The following PDIA4 variants were observed in gnomAD, a reference collection of about 807,000 sequenced individuals.
PDIA4 encodes the protein protein disulfide isomerase family A member 4.
PDIA4 carries 33 observed loss-of-function variants against 62.1 expected under a neutral mutation model. The ratio of observed to expected loss-of-function variants is 0.53; its 90% CI spans 0.40 to 0.71. PDIA4 has a LOEUF of 0.71. Ranked by LOEUF, PDIA4 falls within the 30% of genes least tolerant of loss-of-function variation. The probability of loss-of-function intolerance (pLI) is 0.00; values close to 1 mark genes in which losing one functional copy is unlikely to be tolerated. For synonymous variants in PDIA4, 341 were observed against 324.1 expected, an observed-to-expected ratio of 1.05 and a Z score of -0.56; for missense variants, 804 against 813.6, an observed-to-expected ratio of 0.99 and a Z score of 0.14.
intron 3 of PDIA4, among the ~76,000 whole-genome samples, chr7:149,017,045 T>C (rs954989854): frequency 2.0e-5 from 3 of 152,248 alleles, no homozygotes; most frequent in African/African-American, 7.2e-5. Context: ...GATCTCAGAT[T>C]ACATCCAACT....
chr7:149,017,795 C>T (rs1198190849), intron 3 of PDIA4, among the ~76,000 whole-genome samples: 4 of 152,086 alleles, frequency 2.6e-5, no homozygotes, highest in Non-Finnish European at 5.9e-5. Context: ...CTAATGTGAG[C>T]CAGGCAGGGA....
chr7:149,015,279 TCCAGAGGG>T (rs1486689152), intron 3 of PDIA4, among the ~76,000 whole-genome samples: 8 of 152,090 alleles, frequency 5.3e-5, no homozygotes, highest in Non-Finnish European at 1.2e-4. Flanking sequence ...TGCAGACTTC[TCCAGAGGG>T]CCTAAGACTT....
chr7:149,005,060 C>CCAGA, intron 9 of PDIA4, 81 bp downstream of exon 9: 2 of 1,111,226 alleles, frequency 1.8e-6, no homozygotes, highest in Non-Finnish European at 1.4e-6. Flanking sequence ...GGCCAGAGCA[C>CCAGA]CAGACGCCCC....
chr7:149,027,950 C>T (rs967017057), intron 1 of PDIA4: 8 of 503,382 alleles, frequency 1.6e-5, no homozygotes, highest in Non-Finnish European at 2.4e-5. Flanking sequence ...CTTCCCACTG[C>T]CTGGGCGCGT....
chr7:149,025,085 AAT>A (rs869119727), intron 1 of PDIA4, among the ~76,000 whole-genome samples: 4 of 22,360 alleles, frequency 1.8e-4, no homozygotes, highest in African/African-American at 2.4e-4. Context: ...AAAAAAAAAA[AAT>A]ATATATATAT....
At position 149,006,220 on chromosome 7, in the gene PDIA4, T is replaced by C. The variant is rs527313908; in HGVS notation, c.1132-167A>G. 6 of 598,714 alleles carry C rather than the reference T, an allele frequency of 1.0e-5. No individual in the cohort carries two copies. The South Asian group carries it at 1.0e-4, about 10-fold the overall frequency. The allele number at this position is 598,714 out of a possible 1,614,324, so 37.1% of individuals were successfully genotyped here. A position where few individuals can be genotyped will look rare whatever the true frequency, so the allele number is the denominator to read the frequency against. ...ACTCAAGCACAGCCCAGTCATTCCC[T>C]ACCGTCTTTTGGGGCTCCTTTCCCT... On this transcript the variant is annotated intron_variant, in intron 7 of 9. Coordinates refer to ENST00000652332, the MANE Select transcript of PDIA4 (RefSeq NM_004911.5).
At chr7:149,020,221 A>G (rs767833480) in intron 2 of PDIA4, among the ~76,000 whole-genome samples, 55 of 152,182 alleles carry the variant, frequency 3.6e-4, no homozygotes, top group Middle Eastern at 3.2e-3. Context: ...TTGGCCTCCC[A>G]AAGTGCTGGG....
At chr7:149,024,583 G>C (rs964422862) in intron 1 of PDIA4, among the ~76,000 whole-genome samples, 3 of 151,968 alleles carry the variant, frequency 2.0e-5, no homozygotes, top group African/African-American at 7.3e-5. Context: ...GGGAGGCTGA[G>C]ACGGGCAGAT....
chr7:149,004,054 G>A lies in PDIA4; in HGVS notation c.1678C>T (p.Gln560Ter). 6.2e-7 allele frequency: 1 copy of A among 1,614,204 alleles called. No individual in the cohort carries two copies. Among genetic ancestry groups the A allele is most frequent in the Non-Finnish European group, 8.5e-7 (1 of 1,180,042 alleles). Reference protein sequence around the residue: ...FYAPWCGHCKQLEPVYNSLAK... With the variant: ...FYAPWCGHCK The stretch of plus-strand genomic sequence containing the variant: ...AGGCTGTTGTACACGGGCTCTAGCT[G>A]CTTGCAGTGCCCGCACCATGGCGCG... The change falls in exon 10 of 10, where the codon CAG becomes TAG. Residue 560 changes from glutamine to a stop codon, truncating the protein, a stop_gained. Transcript: ENST00000652332. LOFTEE classifies it high-confidence loss of function.
At position 149,005,185 on chromosome 7, in the gene PDIA4, A is replaced by T; in HGVS notation, c.1478T>A (p.Phe493Tyr). 6.2e-7 allele frequency: 1 copy of T among 1,614,072 alleles called. No homozygotes were observed. The highest frequency in any genetic ancestry group is 8.5e-7 in the Non-Finnish European group (1 of 1,179,956). ...AAACTCGCGGAGGGTGTCAGAGTCAAACTCCTCTGGCTCCATGGCGAACTT... is the reference window on the plus strand; with the variant it reads ...AAACTCGCGGAGGGTGTCAGAGTCATACTCCTCTGGCTCCATGGCGAACTT... ...GKKFAMEPEE[F>Y]DSDTLREFVT... Residue 493 changes from phenylalanine to tyrosine, a missense_variant, in exon 9 of 10, where the codon TTT becomes TAT. Coordinates refer to ENST00000652332, the MANE Select transcript of PDIA4 (RefSeq NM_004911.5).
At chr7:149,026,338 A>T (rs1394804243) in intron 1 of PDIA4, among the ~76,000 whole-genome samples, 1 of 152,078 alleles carries the variant, frequency 6.6e-6, no homozygotes, top group Non-Finnish European at 1.5e-5. Flanking sequence ...GTGAGACCCC[A>T]TCTCTACCAA....
intron 2 of PDIA4, among the ~76,000 whole-genome samples, chr7:149,020,440 C>T (rs1824303223): frequency 6.6e-6 from 1 of 152,122 alleles, no homozygotes; most frequent in Admixed American, 6.5e-5. Context: ...CACAAGAGCT[C>T]TAACGGTCTG....
chr7:149,018,331 C>T (rs1824216059), intron 3 of PDIA4, among the ~76,000 whole-genome samples: 1 of 152,206 alleles, frequency 6.6e-6, no homozygotes. Flanking sequence ...GCCCAGCAAG[C>T]TGAACAAGCC....
At chr7:149,007,575 G>A (rs1185952227) in intron 7 of PDIA4, among the ~76,000 whole-genome samples, 2 of 152,248 alleles carry the variant, frequency 1.3e-5, no homozygotes, top group African/African-American at 2.4e-5. Context: ...GCACTCAGAA[G>A]GCTGAACTGG....
intron 1 of PDIA4, among the ~76,000 whole-genome samples, chr7:149,022,137 G>C (rs925112249): frequency 2.0e-5 from 3 of 152,128 alleles, no homozygotes; most frequent in Non-Finnish European, 1.5e-5. Context: ...TTCTGAAAGG[G>C]GGTGGCATTT....
chr7:149,015,123 G>T, intron 3 of PDIA4, 81 bp from the exon 4 acceptor site: 1 of 1,439,672 alleles, frequency 6.9e-7, no homozygotes, highest in Non-Finnish European at 9.6e-7. Flanking sequence ...AGATGAGGAG[G>T]GGGAAGAAAG....
At chr7:149,020,878 AC>A in intron 2 of PDIA4, 88 bp downstream of exon 2, 9 of 1,514,334 alleles carry the variant, frequency 5.9e-6, no homozygotes, top group Admixed American at 2.1e-5. Flanking sequence ...CTCCTACCCC[AC>A]CCCCCAAGGT....
At chr7:149,023,147 C>T (rs911966585) in intron 1 of PDIA4, among the ~76,000 whole-genome samples, 3 of 152,150 alleles carry the variant, frequency 2.0e-5, no homozygotes, top group Non-Finnish European at 4.4e-5. Flanking sequence ...ACAGCCTGGG[C>T]GCAGGCCCAC....
intron 3 of PDIA4, 39 bp downstream of exon 3, chr7:149,018,953 G>A (rs763761245): frequency 6.8e-6 from 10 of 1,477,938 alleles, no homozygotes; most frequent in Non-Finnish European, 9.5e-6. Flanking sequence ...TTCCCTGCGG[G>A]AAGGAGTTCT....
Sources: gnomAD v4.1 joint callset for allele counts (sites outside exome capture counted in the v4.1 genomes callset) on GRCh38, gnomAD v4.1.1 for gene constraint, MANE v1.5 for transcripts, NCBI Gene and HGNC (gene_info 2026-07-23, HGNC 2026-07-21) for gene names.